MMP26: variants seen among roughly 807,000 people sequenced by gnomAD.
The protein encoded by MMP26 is matrix metalloproteinase-26.
In MMP26, 33 loss-of-function variants were observed where a neutral mutation model predicts 31.0. The observed-to-expected ratio is 1.06, with a 90% confidence interval of 0.81 to 1.42. MMP26 has a LOEUF of 1.42. MMP26 is among the 40% of genes most tolerant of loss of function. The pLI is 0.00. For missense variants in MMP26, 347 were observed against 316.1 expected, an observed-to-expected ratio of 1.10 and a Z score of -0.74; for synonymous variants, 122 against 114.9, an observed-to-expected ratio of 1.06 and a Z score of -0.40.
chr11:4,935,643 CT>C (rs1851428760), intron 2 of MMP26, among the ~76,000 whole-genome samples: 1 of 151,700 alleles, frequency 6.6e-6, no homozygotes, highest in Non-Finnish European at 1.5e-5. Flanking sequence ...GAGGGCATCC[CT>C]GTCTTGTGCC....
chr11:4,836,797 C>G (rs1370682927), intron 2 of MMP26, among the ~76,000 whole-genome samples: 1 of 150,596 alleles, frequency 6.6e-6, no homozygotes, highest in Admixed American at 6.6e-5. Context: ...GTAGCTGGGA[C>G]TACAGGTGTG....
intron 2 of MMP26, chr11:4,908,673 T>C (rs964006006): frequency 3.4e-6 from 1 of 292,214 alleles, no homozygotes; most frequent in Non-Finnish European, 6.6e-6. Flanking sequence ...TCTCATACTG[T>C]CAAGGAAAGG....
At chr11:4,938,041 C>T (rs1023175379) in intron 2 of MMP26, 1 of 152,072 alleles carries the variant, frequency 6.6e-6, no homozygotes, top group Non-Finnish European at 1.5e-5. Flanking sequence ...TAGGAATAGT[C>T]CCAAAGTGAT....
intron 2 of MMP26, chr11:4,907,645 T>G: frequency 1.9e-6 from 3 of 1,614,082 alleles, no homozygotes; most frequent in Non-Finnish European, 2.5e-6. Context: ...CCATGGGAAT[T>G]TCACCTAATG....
At chr11:4,896,508 A>G (rs894331312) in intron 2 of MMP26, among the ~76,000 whole-genome samples, 14 of 152,232 alleles carry the variant, frequency 9.2e-5, no homozygotes, top group Admixed American at 8.5e-4. Flanking sequence ...TGCTATGGTC[A>G]GACTGGGATG....
intron 2 of MMP26, among the ~76,000 whole-genome samples, chr11:4,857,373 A>G (rs978869369): frequency 4.6e-5 from 7 of 152,128 alleles, no homozygotes; most frequent in African/African-American, 1.2e-4. Flanking sequence ...AATAGACACA[A>G]TAAAAATGAT....
intron 2 of MMP26, chr11:4,946,295 A>T (rs368210346): frequency 6.2e-7 from 1 of 1,613,764 alleles, no homozygotes; most frequent in African/African-American, 1.3e-5. Flanking sequence ...GAGGGGAGAG[A>T]CATGCCGGGC....
chr11:4,823,598 C>T (rs1246966700), intron 2 of MMP26, among the ~76,000 whole-genome samples: 2 of 152,228 alleles, frequency 1.3e-5, no homozygotes, highest in East Asian at 1.9e-4. Context: ...CGAAATCCCC[C>T]ATGAGGCCAT....
intron 2 of MMP26, chr11:4,882,525 A>G: frequency 6.2e-7 from 1 of 1,613,870 alleles, no homozygotes; most frequent in Non-Finnish European, 8.5e-7. Flanking sequence ...CTCTACCTGA[A>G]TGGCACTGAC....
intron 1 of MMP26, among the ~76,000 whole-genome samples, chr11:4,738,983 C>T (rs114591925): frequency 0.068 from 10,395 of 152,190 alleles, 1,161 homozygotes; most frequent in African/African-American, 0.24. Flanking sequence ...TCTAGGTTTA[C>T]ACTTCTGATC....
chr11:4,731,594 G>T (rs1457317705), intron 1 of MMP26, among the ~76,000 whole-genome samples: 2 of 152,152 alleles, frequency 1.3e-5, no homozygotes, highest in Admixed American at 1.3e-4. Flanking sequence ...AGACGATAAG[G>T]AAAGGCACTA....
chr11:4,790,285 G>T (rs1035925279), intron 2 of MMP26, among the ~76,000 whole-genome samples: 1 of 152,214 alleles, frequency 6.6e-6, no homozygotes, highest in Non-Finnish European at 1.5e-5. Context: ...GGAGGCTGCG[G>T]TGAGCCAAGA....
chr11:4,821,492 C>G, intron 2 of MMP26: 12 of 1,611,770 alleles, frequency 7.4e-6, no homozygotes, highest in Non-Finnish European at 1.0e-5. Context: ...GGCCTGAAAG[C>G]CACCCAGTAC....
intron 1 of MMP26, among the ~76,000 whole-genome samples, chr11:4,731,090 G>T (rs567154765): frequency 6.6e-6 from 1 of 152,006 alleles, no homozygotes; most frequent in African/African-American, 2.4e-5. Context: ...GATTACAGGC[G>T]TGCACCACCA....
chr11:4,818,480 C>G (rs1265662044), intron 2 of MMP26, among the ~76,000 whole-genome samples: 2 of 151,658 alleles, frequency 1.3e-5, no homozygotes, highest in Non-Finnish European at 2.9e-5. Context: ...ATTTTCTTGA[C>G]TGTCTTTGAA....
At chr11:4,815,805 G>A (rs1026499084) in intron 2 of MMP26, among the ~76,000 whole-genome samples, 1 of 152,092 alleles carries the variant, frequency 6.6e-6, no homozygotes, top group African/African-American at 2.4e-5. Context: ...ATATTAGAAC[G>A]TTGCACAAAA....
intron 2 of MMP26, among the ~76,000 whole-genome samples, chr11:4,796,789 T>G (rs1564911664): frequency 6.6e-6 from 1 of 152,068 alleles, no homozygotes; most frequent in Non-Finnish European, 1.5e-5. Context: ...CCGCAGTGCT[T>G]CTCCTCCTTT....
intron 2 of MMP26, among the ~76,000 whole-genome samples, chr11:4,846,479 T>C (rs972457779): frequency 3.9e-5 from 6 of 152,144 alleles, no homozygotes; most frequent in African/African-American, 1.4e-4. Flanking sequence ...GAATAAGACC[T>C]ACTATTTGAT....
At chr11:4,983,719 C>G (rs540652549) in intron 2 of MMP26, among the ~76,000 whole-genome samples, 1 of 152,248 alleles carries the variant, frequency 6.6e-6, no homozygotes, top group South Asian at 2.1e-4. Context: ...ATTATTAAAA[C>G]TTTCTGGTTA....
Sources: allele counts gnomAD v4.1 joint callset (sites outside exome capture counted in the v4.1 genomes callset), GRCh38; gene constraint gnomAD v4.1.1; transcripts MANE v1.5; gene names NCBI Gene and HGNC (gene_info 2026-07-23, HGNC 2026-07-21).